Variants in AGMO observed in about 807,000 individuals in gnomAD.
AGMO encodes the protein alkylglycerol monooxygenase, also known as glyceryl-ether monooxygenase.
AGMO carries 75 observed loss-of-function variants against 60.2 expected under a neutral mutation model. That is an observed-to-expected ratio of 1.25 (90% CI 1.03 to 1.51). The LOEUF (loss-of-function observed/expected upper bound fraction) is 1.51. Among genes scored for constraint, AGMO ranks in the 40% most tolerant of loss-of-function variants. The probability of loss-of-function intolerance (pLI) is 0.00; values close to 1 mark genes in which losing one functional copy is unlikely to be tolerated. For synonymous variants in AGMO, 261 were observed against 177.1 expected (o/e 1.47, Z -3.76); for missense variants, 763 against 525.5 (o/e 1.45, Z -4.42).
intron 4 of AGMO, 49 bp downstream of exon 4, chr7:15,430,956 C>T (rs1583544767): frequency 1.1e-6 from 1 of 872,468 alleles, no homozygotes; most frequent in Non-Finnish European, 1.7e-6. Context: ...ATAGCTGAGA[C>T]TTAAAAACAA....
At chr7:15,493,036 A>C (rs1219586915) in intron 3 of AGMO, among the ~76,000 whole-genome samples, 1 of 152,110 alleles carries the variant, frequency 6.6e-6, no homozygotes, top group Non-Finnish European at 1.5e-5. Flanking sequence ...ATTTCCTTAG[A>C]ATAGATTCCT....
At chr7:15,248,830 G>C (rs1318725878) in intron 12 of AGMO, among the ~76,000 whole-genome samples, 2 of 152,218 alleles carry the variant, frequency 1.3e-5, no homozygotes, top group African/African-American at 4.8e-5. Flanking sequence ...AGAGCTTAAA[G>C]TGAGGAGGCA....
At chr7:15,553,268 A>G (rs1046632442) in intron 2 of AGMO, among the ~76,000 whole-genome samples, 14 of 152,060 alleles carry the variant, frequency 9.2e-5, no homozygotes, top group South Asian at 2.1e-4. Context: ...ACATGTATAC[A>G]TATGTAACTA....
At chr7:15,520,739 A>C (rs1349095501) in intron 3 of AGMO, among the ~76,000 whole-genome samples, 1 of 152,226 alleles carries the variant, frequency 6.6e-6, no homozygotes, top group Non-Finnish European at 1.5e-5. Context: ...TGCCCATAGG[A>C]GAAAGTATGA....
At chr7:15,283,925 G>C (rs1261004648) in intron 12 of AGMO, among the ~76,000 whole-genome samples, 1 of 151,838 alleles carries the variant, frequency 6.6e-6, no homozygotes, top group African/African-American at 2.4e-5. Flanking sequence ...AACTCCAAAA[G>C]GAACCCTCAA....
intron 2 of AGMO, among the ~76,000 whole-genome samples, chr7:15,552,713 A>G (rs1425296164): frequency 6.7e-6 from 1 of 148,352 alleles, no homozygotes; most frequent in Non-Finnish European, 1.5e-5. Flanking sequence ...ACACTTTTAC[A>G]CTGTTGGTGG....
intron 12 of AGMO, among the ~76,000 whole-genome samples, chr7:15,317,994 GTA>G (rs1491569415): frequency 7.4e-6 from 1 of 134,936 alleles, no homozygotes; most frequent in Admixed American, 7.9e-5. Context: ...ATATATACAC[GTA>G]TATATATACA....
intron 5 of AGMO, among the ~76,000 whole-genome samples, chr7:15,395,828 G>C (rs1459981200): frequency 1.3e-5 from 2 of 152,060 alleles, no homozygotes; most frequent in Admixed American, 1.3e-4. Context: ...CTTTATCTAG[G>C]AGCGTTTGTT....
rs574932544 is a variant in AGMO at position 15,387,511 on chromosome 7, T to C, written c.852A>G (p.Thr284=). 1.2e-6 allele frequency: 2 copies of C among 1,613,544 alleles called. No individual in the cohort carries two copies. Among genetic ancestry groups the C allele is most frequent in the South Asian group, 1.1e-5 (1 of 91,044 alleles). The change falls in exon 9 of 13, where the codon ACA becomes ACG. Residue 284 remains threonine (T), a synonymous_variant. Transcript: ENST00000342526. ...QFHHLFSIWT[T]FWATPGFFNK... is the part of the protein sequence containing the mutation. ...TGAAGAATCCAGGTGTGGCCCAGAA[T>C]GTAGTCCATATGGAAAATAAGTGAT...
At chr7:15,235,606 T>C (rs1052040729) in intron 12 of AGMO, among the ~76,000 whole-genome samples, 4 of 152,142 alleles carry the variant, frequency 2.6e-5, no homozygotes, top group African/African-American at 9.7e-5. Flanking sequence ...TGATTCATTT[T>C]GTATTTTAGA....
intron 12 of AGMO, among the ~76,000 whole-genome samples, chr7:15,326,794 A>G (rs796095705): frequency 2.0e-5 from 3 of 152,288 alleles, no homozygotes; most frequent in African/African-American, 4.8e-5. Context: ...TGGGAAGTCT[A>G]TGTACAAAAG....
intron 4 of AGMO, among the ~76,000 whole-genome samples, chr7:15,429,387 C>A (rs1015027016): frequency 6.6e-6 from 1 of 152,014 alleles, no homozygotes; most frequent in African/African-American, 2.4e-5. Flanking sequence ...GACAAAGAAA[C>A]AGGAAGAACG....
At chr7:15,429,247 G>A (rs1781161256) in intron 4 of AGMO, among the ~76,000 whole-genome samples, 1 of 151,948 alleles carries the variant, frequency 6.6e-6, no homozygotes, top group Non-Finnish European at 1.5e-5. Context: ...CCCACTAAAT[G>A]TGACCTTATT....
At chr7:15,171,197 G>A in the AGMO span, among the ~76,000 whole-genome samples, 1 of 152,000 alleles carries the variant, frequency 6.6e-6, no homozygotes, top group Admixed American at 6.6e-5. Context: ...TAGCCAGGAT[G>A]GTCTGGATCT....
intron 5 of AGMO, among the ~76,000 whole-genome samples, chr7:15,405,765 A>G (rs1784668615): frequency 6.6e-6 from 1 of 151,940 alleles, no homozygotes; most frequent in Admixed American, 6.6e-5. Context: ...AAGTAAGTTT[A>G]GCAAATAGTC....
intron 12 of AGMO, among the ~76,000 whole-genome samples, chr7:15,256,862 G>A (rs1783114949): frequency 1.3e-5 from 2 of 152,102 alleles, no homozygotes; most frequent in South Asian, 2.1e-4. Context: ...ATTCTAAGAT[G>A]GCATGGGAAA....
rs1237051702 is a variant in AGMO at position 15,467,873 on chromosome 7, C to T, written c.410-36765G>A. Among the ~76,000 whole-genome samples, 5 of 151,956 alleles carry T rather than the reference C, an allele frequency of 3.3e-5. No homozygotes were observed. In the South Asian group the frequency reaches 1.0e-3, roughly 32 times the overall value. Reference sequence around the variant, plus strand: ...ATATGCCCCGGTTTTAGGGAAATGGCCTTCCTTCAATATAGTACGGCTCTG... The same window carrying T: ...ATATGCCCCGGTTTTAGGGAAATGGTCTTCCTTCAATATAGTACGGCTCTG... On this transcript the variant is annotated intron_variant, in intron 3 of 12. Transcript: ENST00000342526.
intron 3 of AGMO, among the ~76,000 whole-genome samples, chr7:15,495,406 C>T (rs977823587): frequency 5.3e-5 from 8 of 152,138 alleles, no homozygotes; most frequent in African/African-American, 1.9e-4. Context: ...TTCATTGACT[C>T]GTATGCCATC....
the AGMO span, among the ~76,000 whole-genome samples, chr7:15,166,302 G>A: frequency 1.1e-4 from 17 of 152,116 alleles, no homozygotes; most frequent in Admixed American, 9.2e-4. Context: ...CTCCTGACAC[G>A]TTAGGGAAGA....
Sources: gnomAD v4.1 joint callset for allele counts (sites outside exome capture counted in the v4.1 genomes callset) on GRCh38, gnomAD v4.1.1 for gene constraint, MANE v1.5 for transcripts, NCBI Gene and HGNC (gene_info 2026-07-23, HGNC 2026-07-21) for gene names.